Variants in CD82 observed in about 807,000 individuals in gnomAD.
The protein encoded by CD82 is CD82 molecule, also known as CD82 antigen.
CD82 carries 36 observed loss-of-function variants against 37.4 expected under a neutral mutation model. That is an observed-to-expected ratio of 0.96 (90% CI 0.74 to 1.27). The LOEUF (loss-of-function observed/expected upper bound fraction) is 1.27. CD82 is among the 50% of genes most tolerant of loss of function. The pLI is 0.00. For synonymous variants in CD82, 158 were observed against 137.4 expected (o/e 1.15, Z -1.05); for missense variants, 340 against 347.0 (o/e 0.98, Z 0.16).
intron 3 of CD82, chr11:44,596,996 G>T (rs1238539671): frequency 2.2e-6 from 1 of 456,126 alleles, no homozygotes; most frequent in Non-Finnish European, 4.4e-6. Context: ...TGGGGTTCTG[G>T]GTGTGGCTTT....
rs766090761 is a variant in CD82, at chr11:44,618,160, A to G, written c.439-2A>G. Reference sequence around the variant, plus strand: ...AAGCAGTCTGTCCCCTGCCTTGCCCAGGTGAAGTGCTGCGGCTGGGTCAGC... The same window carrying G: ...AAGCAGTCTGTCCCCTGCCTTGCCCGGGTGAAGTGCTGCGGCTGGGTCAGC... On this transcript the variant is annotated splice_acceptor_variant, in intron 7 of 9. Coordinates refer to ENST00000227155, the MANE Select transcript of CD82 (RefSeq NM_002231.4). LOFTEE classifies it high-confidence loss of function. 1.2e-6 allele frequency: 2 copies of G among 1,613,834 alleles called. No homozygotes were observed. Among genetic ancestry groups the G allele is most frequent in the Admixed American group, 1.7e-5 (1 of 60,014 alleles).
At chr11:44,610,191 T>C (rs1219613394) in intron 6 of CD82, among the ~76,000 whole-genome samples, 5 of 152,168 alleles carry the variant, frequency 3.3e-5, no homozygotes, top group African/African-American at 1.2e-4. Flanking sequence ...GCCCGAAAAG[T>C]TACCCTGGAG....
At chr11:44,615,208 G>A in intron 6 of CD82, 64 bp from the exon 7 acceptor site, 1 of 1,049,564 alleles carries the variant, frequency 9.5e-7, no homozygotes, top group South Asian at 1.3e-5. Flanking sequence ...TTTAAGTAGG[G>A]GTGACCACAG....
Position 44,619,362 on chromosome 11 carries a change from G to A in CD82, c.*236G>A, listed in dbSNP as rs1853624004. ...CTCACCGCCCATCAGGGTTCTCTTAGCAACTCAGAGAAAAATGCTCCCCAC... is the reference window on the plus strand; with the variant it reads ...CTCACCGCCCATCAGGGTTCTCTTAACAACTCAGAGAAAAATGCTCCCCAC... On this transcript the variant is annotated 3_prime_UTR_variant, in exon 10 of 10. Transcript: ENST00000227155. 1.9e-6 allele frequency: 1 copy of A among 535,460 alleles called. No individual in the cohort carries two copies. The highest frequency in any genetic ancestry group is 2.3e-5 in the South Asian group (1 of 42,922). 33.2% of individuals were successfully genotyped at this position (535,460 alleles called of 1,614,324 possible). A position where few individuals can be genotyped will look rare whatever the true frequency, so the allele number is the denominator to read the frequency against.
chr11:44,618,771 T>A, intron 9 of CD82, 48 bp downstream of exon 9: 2 of 1,501,404 alleles, frequency 1.3e-6, no homozygotes, highest in South Asian at 1.2e-5. Flanking sequence ...TCCTCCTGGG[T>A]TGTCTCTGTT....
chr11:44,581,143 A>G (rs1252929101), intron 1 of CD82, among the ~76,000 whole-genome samples: 3 of 152,094 alleles, frequency 2.0e-5, no homozygotes, highest in African/African-American at 7.2e-5. Context: ...GGGCCCTAAA[A>G]CCCAATTAAT....
intron 2 of CD82, among the ~76,000 whole-genome samples, chr11:44,591,730 G>T (rs1853147791): frequency 1.3e-5 from 2 of 152,216 alleles, no homozygotes; most frequent in African/African-American, 2.4e-5. Flanking sequence ...TTGTGAGGAT[G>T]ATGGGGGATG....
intron 8 of CD82, 128 bp downstream of exon 8, chr11:44,618,493 T>C: frequency 9.5e-7 from 1 of 1,053,194 alleles, no homozygotes; most frequent in South Asian, 1.4e-5. Context: ...TACCTTCATC[T>C]ACTTCTTTGT....
In CD82 at chr11:44,586,936, G is replaced by C. The variant is rs114671776; in HGVS notation, c.-102-539G>C. 1.2e-3 allele frequency among the ~76,000 whole-genome samples: 187 copies of C among 152,322 alleles called. 1 individual carries two copies. The highest frequency in any genetic ancestry group is 4.4e-3 in the African/African-American group (183 of 41,570). ...CTCCCCTTGAGGAGCCCATATTCTA[G>C]TGGCGGATGCAGATACACTAGTGAA... On this transcript the variant is annotated intron_variant, in intron 1 of 9. Coordinates refer to ENST00000227155, the MANE Select transcript of CD82 (RefSeq NM_002231.4).
chr11:44,608,116 C>T (rs548799974), intron 6 of CD82: 3 of 152,112 alleles, frequency 2.0e-5, no homozygotes, highest in African/African-American at 7.2e-5. Flanking sequence ...ATATTTTTTT[C>T]TTTCGCAACG....
At chr11:44,566,487 C>A (rs565540121) in intron 1 of CD82, among the ~76,000 whole-genome samples, 2 of 152,158 alleles carry the variant, frequency 1.3e-5, no homozygotes, top group African/African-American at 4.8e-5. Context: ...TCTTGGCTGA[C>A]GGGTTCTGTT....
chr11:44,610,635 G>C lies in CD82; in HGVS notation c.337-4637G>C, dbSNP rs142434209. On this transcript the variant is annotated intron_variant, in intron 6 of 9. Transcript: ENST00000227155. Reference sequence around the variant, plus strand: ...CCGAGGCTAAGATCCCGGGTCCCTGGAGCTGCACAGATCAAGGTCTGGTCA... The same window carrying C: ...CCGAGGCTAAGATCCCGGGTCCCTGCAGCTGCACAGATCAAGGTCTGGTCA... Among the ~76,000 whole-genome samples, 29 of 152,040 alleles carry C rather than the reference G, an allele frequency of 1.9e-4. No individual in the cohort carries two copies. In the East Asian group the frequency reaches 5.5e-3, roughly 29 times the overall value.
In CD82 at chr11:44,598,400, A is replaced by ATTTTTTTTTTTTTTTTTTT. The variant is rs71038809; in HGVS notation, c.64-1747_64-1729dup. ...CAGTTATCATGGATTTTTGGCCTTA[A>ATTTTTTTTTTTTTTTTTTT]TTTTTTTTTTTTTTTTTTTTTTTTT... On this transcript the variant is annotated intron_variant, in intron 3 of 9. Coordinates refer to ENST00000227155, the MANE Select transcript of CD82 (RefSeq NM_002231.4). 1.7e-4 allele frequency among the ~76,000 whole-genome samples: 10 copies of ATTTTTTTTTTTTTTTTTTT among 58,906 alleles called. 1 individual carries two copies. Among genetic ancestry groups the ATTTTTTTTTTTTTTTTTTT allele is most frequent in the South Asian group, 1.9e-3 (2 of 1,078 alleles). 38.6% of individuals were successfully genotyped at this position (58,906 alleles called of 152,430 possible). A position where few individuals can be genotyped will look rare whatever the true frequency, so the allele number is the denominator to read the frequency against.
intron 4 of CD82, among the ~76,000 whole-genome samples, chr11:44,601,910 G>A (rs1047358588): frequency 1.3e-5 from 2 of 152,248 alleles, no homozygotes; most frequent in East Asian, 3.9e-4. Flanking sequence ...AACTGAGGCC[G>A]GGGGTGGGGA....
rs117157354 is a variant in CD82, at chr11:44,615,330, G to T, written c.395G>T (p.Arg132Leu). 255 of 1,613,736 alleles carry T rather than the reference G, an allele frequency of 1.6e-4. 1 individual carries two copies. The East Asian group carries it at 4.2e-3, about 27-fold the overall frequency. ...CTCATTCGAGACTACAACAGCAGTC[G>T]CGAGGACAGCCTGCAGGATGCCTGG... ...TELIRDYNSS[R>L]EDSLQDAWDY... is the part of the protein sequence containing the mutation. Residue 132 changes from arginine (R) to leucine (L), a missense_variant, in exon 7 of 10, where the codon CGC becomes CTC. Coordinates refer to ENST00000227155, the MANE Select transcript of CD82 (RefSeq NM_002231.4).
At chr11:44,596,370 C>T (rs1203664215) in intron 3 of CD82, among the ~76,000 whole-genome samples, 1 of 152,270 alleles carries the variant, frequency 6.6e-6, no homozygotes, top group Non-Finnish European at 1.5e-5. Context: ...TCCCTGGGGG[C>T]TTTAGGGACT....
intron 1 of CD82, among the ~76,000 whole-genome samples, chr11:44,567,418 G>A (rs936867965): frequency 6.6e-6 from 1 of 151,586 alleles, no homozygotes; most frequent in African/African-American, 2.4e-5. Context: ...GTGTTCAGAA[G>A]AGTGAGACAC....
chr11:44,575,305 A>T (rs1189998744), intron 1 of CD82, among the ~76,000 whole-genome samples: 3 of 152,230 alleles, frequency 2.0e-5, no homozygotes, highest in Non-Finnish European at 4.4e-5. Flanking sequence ...TCATTAACTA[A>T]TCATGGGCTC....
chr11:44,615,227 G>A lies in CD82; in HGVS notation c.337-45G>A, dbSNP rs372290690. The A allele has an allele frequency of 6.4e-5, 85 of 1,320,596 alleles. No individual in the cohort carries two copies. In the Middle Eastern group the frequency reaches 1.5e-3, roughly 23 times the overall value. The allele number at this position is 1,320,596 out of a possible 1,614,324, so 81.8% of individuals were successfully genotyped here. On this transcript the variant is annotated intron_variant, in intron 6 of 9. Transcript: ENST00000227155. ...AGTAGGGGTGACCACAGGTGGGCAC[G>A]GGTTTCAGGAAATCTGACCCTGACC...
Sources: gnomAD v4.1 joint callset for allele counts (sites outside exome capture counted in the v4.1 genomes callset) on GRCh38, gnomAD v4.1.1 for gene constraint, MANE v1.5 for transcripts, NCBI Gene and HGNC (gene_info 2026-07-23, HGNC 2026-07-21) for gene names.